The following COL27A1 variants were observed in gnomAD, a reference collection of about 807,000 sequenced individuals.
The protein encoded by COL27A1 is collagen alpha-1(XXVII) chain.
A neutral mutation model predicts 251.3 loss-of-function variants in COL27A1; 106 were observed. The ratio of observed to expected loss-of-function variants is 0.42; its 90% CI spans 0.36 to 0.50. The LOEUF (loss-of-function observed/expected upper bound fraction) is 0.50, where lower values mean the gene tolerates loss of function less well. COL27A1 is among the 20% of genes least tolerant of loss of function. The pLI is 0.00. For synonymous variants in COL27A1, 1,000 were observed against 986.3 expected, an observed-to-expected ratio of 1.01 and a Z score of -0.26; for missense variants, 2,325 against 2,522.8, an observed-to-expected ratio of 0.92 and a Z score of 1.68.
chr9:114,275,749 CT>C lies in COL27A1; in HGVS notation c.3699del (p.Gly1234AlafsTer333). The C allele has an allele frequency of 1.3e-6, 2 of 1,548,150 alleles. No homozygotes were observed. Among genetic ancestry groups the C allele is most frequent in the Non-Finnish European group, 1.7e-6 (2 of 1,146,306 alleles). On this transcript the variant is annotated frameshift_variant, in exon 37 of 61. Coordinates refer to ENST00000356083, the MANE Select transcript of COL27A1 (RefSeq NM_032888.4). LOFTEE classifies it high-confidence loss of function. ...LMGEDGPPGP[P>X]GVTGVRGPEG... ...GGTGAGGACGGGCCCCCCGGCCCCC[CT>C]GGCGTCACTGGTGTCCGGGTGAGTG... is the stretch of plus-strand genomic sequence containing the variant.
intron 4 of COL27A1, among the ~76,000 whole-genome samples, chr9:114,178,988 G>T (rs1827690674): frequency 6.6e-6 from 1 of 152,132 alleles, no homozygotes; most frequent in East Asian, 1.9e-4. Context: ...GTAGGAAATG[G>T]CAAAACCAGG....
chr9:114,160,012 C>T (rs1471995033), intron 1 of COL27A1, among the ~76,000 whole-genome samples: 1 of 152,194 alleles, frequency 6.6e-6, no homozygotes, highest in Non-Finnish European at 1.5e-5. Flanking sequence ...AGCTGGGGGC[C>T]TGGCCCCATG....
chr9:114,168,606 G>A lies in COL27A1; in HGVS notation c.1051G>A (p.Ala351Thr). The A allele has an allele frequency of 1.2e-6, 2 of 1,614,146 alleles. No homozygotes were observed. Among genetic ancestry groups the A allele is most frequent in the Non-Finnish European group, 1.7e-6 (2 of 1,180,006 alleles). Residue 351 changes from alanine (A) to threonine (T), a missense_variant, in exon 3 of 61, where the codon GCG becomes ACG. Ala to Thr is a moderately conservative substitution (Grantham distance 58, BLOSUM62 0). This residue lies in a region of COL27A1 where 1,183 missense variants were observed against 1,144.1 expected (regional missense o/e 1.03). Transcript: ENST00000356083. ...VGGSTRTPRP[A>T]AAQPSQKITA... ...CGGCTCTACCAGAACGCCTCGCCCT[G>A]CGGCCGCTCAACCATCACAGAAGAT...
intron 24 of COL27A1, among the ~76,000 whole-genome samples, chr9:114,248,746 T>C (rs978678254): frequency 1.2e-4 from 19 of 152,256 alleles, no homozygotes; most frequent in Admixed American, 3.9e-4. Context: ...AGGATCTTGT[T>C]TGGTTTCTTG....
intron 4 of COL27A1, among the ~76,000 whole-genome samples, chr9:114,180,932 C>T (rs984000072): frequency 6.6e-6 from 1 of 152,194 alleles, no homozygotes; most frequent in East Asian, 1.9e-4. Context: ...TGGGGCACGA[C>T]TGGGGAGAGG....
chr9:114,270,877 T>C, intron 36 of COL27A1, 96 bp downstream of exon 36: 1 of 963,414 alleles, frequency 1.0e-6, no homozygotes, highest in Non-Finnish European at 1.6e-6. Context: ...TGTGTTCCCA[T>C]AGAGATCTGA....
chr9:114,266,971 G>A lies in COL27A1; in HGVS notation c.3447+353G>A, dbSNP rs534897161. On this transcript the variant is annotated intron_variant, in intron 33 of 60. Coordinates refer to ENST00000356083, the MANE Select transcript of COL27A1 (RefSeq NM_032888.4). ...CAGCAGAGGTTTGACTGTCCATCCA[G>A]CCCCCAAGGGTCATGCAGCAAGGAA... is the stretch of plus-strand genomic sequence containing the variant. 2.8e-4 allele frequency among the ~76,000 whole-genome samples: 42 copies of A among 152,240 alleles called. 1 individual carries two copies. In the South Asian group the frequency reaches 8.3e-3, roughly 30 times the overall value.
In COL27A1 at chr9:114,304,671, G is replaced by C; in HGVS notation, c.4936G>C (p.Glu1646Gln). ...GGACACCAGTGGAGCACTCAGGCCAGAGGTATCTCCAGGGGCTCTCCCCAT... is the reference window on the plus strand; with the variant it reads ...GGACACCAGTGGAGCACTCAGGCCACAGGTATCTCCAGGGGCTCTCCCCAT... ...WMDTSGALRPESYSYPDRLVL... is the reference protein window; with the variant it reads ...WMDTSGALRPQSYSYPDRLVL... The change falls in exon 57 of 61, where the codon GAG (glutamate) becomes CAG (glutamine). Residue 1646 changes from glutamate to glutamine, a missense_variant and splice_region_variant. Glu to Gln is a conservative substitution (Grantham distance 29, BLOSUM62 2). Coordinates refer to ENST00000356083, the MANE Select transcript of COL27A1 (RefSeq NM_032888.4). 2.5e-6 allele frequency: 4 copies of C among 1,614,008 alleles called. No individual in the cohort carries two copies. The highest frequency in any genetic ancestry group is 2.5e-6 in the Non-Finnish European group (3 of 1,179,874).
chr9:114,256,370 G>A (rs1470390712), intron 27 of COL27A1, among the ~76,000 whole-genome samples: 2 of 152,224 alleles, frequency 1.3e-5, no homozygotes, highest in Non-Finnish European at 2.9e-5. Context: ...GCGGGCACCT[G>A]TAGTCCCAGC....
At chr9:114,261,473 G>A (rs537084460) in intron 28 of COL27A1, among the ~76,000 whole-genome samples, 59 of 152,320 alleles carry the variant, frequency 3.9e-4, no homozygotes, top group Admixed American at 2.3e-3. Flanking sequence ...TAGAGTGTGC[G>A]GCTGTTCTCG....
Position 114,240,242 on chromosome 9 carries a change from C to A in COL27A1, c.2750C>A (p.Pro917His). The change falls in exon 20 of 61, where the codon CCC becomes CAC. Residue 917 changes from proline (P) to histidine (H), a missense_variant. This residue lies in a region of COL27A1 where 662 missense variants were observed against 795.3 expected (regional missense o/e 0.83). Coordinates refer to ENST00000356083, the MANE Select transcript of COL27A1 (RefSeq NM_032888.4). ...GPEGFPGDIG[P>H]PGDNGPEGMK... The stretch of plus-strand genomic sequence containing the variant: ...CAGGGATTCCCAGGAGACATCGGCC[C>A]CCCTGGCGACAATGGCCCAGAAGGC... The A allele has an allele frequency of 6.2e-7, 1 of 1,608,258 alleles. No individual in the cohort carries two copies.
chr9:114,182,991 T>C lies in COL27A1; in HGVS notation c.1963-31T>C. 8 of 1,599,720 alleles carry C rather than the reference T, an allele frequency of 5.0e-6. No individual in the cohort carries two copies. The South Asian group carries it at 8.9e-5, about 18-fold the overall frequency. On this transcript the variant is annotated intron_variant, in intron 4 of 60. Transcript: ENST00000356083. Reference sequence around the variant, plus strand: ...GAGATGGCCCCTGTTTTTTGTCACCTTTTTTTGTTTTTGTTCCTTGTCTCT... The same window carrying C: ...GAGATGGCCCCTGTTTTTTGTCACCCTTTTTTGTTTTTGTTCCTTGTCTCT...
At chr9:114,300,155 G>C in intron 50 of COL27A1, 32 bp downstream of exon 50, 1 of 1,600,758 alleles carries the variant, frequency 6.2e-7, no homozygotes, top group Non-Finnish European at 8.6e-7. Flanking sequence ...TGTTCCTGTG[G>C]GGTCCCATCC....
chr9:114,240,166 G>A (rs554900687), intron 19 of COL27A1, 54 bp from the exon 20 acceptor site: 30 of 1,494,182 alleles, frequency 2.0e-5, no homozygotes, highest in African/African-American at 5.5e-5. Flanking sequence ...ACGCATCCCC[G>A]TAGCACTCCC....
At chr9:114,301,203 C>G (rs1303499223) in intron 52 of COL27A1, 78 bp downstream of exon 52, 8 of 1,607,036 alleles carry the variant, frequency 5.0e-6, no homozygotes, top group Admixed American at 1.7e-5. Flanking sequence ...TGACTCAGTG[C>G]CAGTCTGAGC....
intron 36 of COL27A1, chr9:114,273,771 T>G (rs546939147): frequency 1.1e-4 from 17 of 152,466 alleles, no homozygotes; most frequent in African/African-American, 4.1e-4. Flanking sequence ...ATGCCCGTGC[T>G]GCACTCCACA....
At position 114,288,530 on chromosome 9, in the gene COL27A1, C is replaced by G. The variant is rs532228117; in HGVS notation, c.4044+19C>G. ...AGATCGGGTAAGCCCCCTCCCTCCC[C>G]TGGACCATGTGGCGTCCTAGGTGGA... is the stretch of plus-strand genomic sequence containing the variant. On this transcript the variant is annotated intron_variant, in intron 42 of 60. Coordinates refer to ENST00000356083, the MANE Select transcript of COL27A1 (RefSeq NM_032888.4). The G allele has an allele frequency of 3.2e-4, 514 of 1,597,316 alleles. 9 individuals carry two copies. The South Asian group carries it at 5.2e-3, about 16-fold the overall frequency.
At chr9:114,213,088 G>A (rs964264055) in intron 12 of COL27A1, among the ~76,000 whole-genome samples, 5 of 152,226 alleles carry the variant, frequency 3.3e-5, no homozygotes, top group African/African-American at 1.2e-4. Flanking sequence ...TCACATGGCT[G>A]CTCAGTGTCA....
rs1832657740 is a variant in COL27A1 at position 114,240,163 on chromosome 9, C to G, written c.2728-57C>G. The G allele has an allele frequency of 4.1e-6, 6 of 1,467,262 alleles. No homozygotes were observed. In the East Asian group the frequency reaches 1.4e-4, roughly 33 times the overall value. 90.9% of individuals were successfully genotyped at this position (1,467,262 alleles called of 1,614,324 possible). A position where few individuals can be genotyped will look rare whatever the true frequency, so the allele number is the denominator to read the frequency against. On this transcript the variant is annotated intron_variant, in intron 19 of 60. Transcript: ENST00000356083. ...GGTCAGTCTCCCTGCAAGACGCATC[C>G]CCGTAGCACTCCCTTCACAGCCCCC...
Sources: allele counts gnomAD v4.1 joint callset (sites outside exome capture counted in the v4.1 genomes callset), GRCh38; gene constraint gnomAD v4.1.1; regional missense constraint gnomAD v4.1.1; transcripts MANE v1.5; gene names NCBI Gene and HGNC (gene_info 2026-07-23, HGNC 2026-07-21).